The following SEMA3D variants were observed in gnomAD, a reference collection of about 807,000 sequenced individuals.
SEMA3D encodes semaphorin-3D.
SEMA3D carries 84 observed loss-of-function variants against 100.1 expected under a neutral mutation model. The observed-to-expected ratio is 0.84, with a 90% CI of 0.70 to 1.01. SEMA3D has a LOEUF of 1.01. Among genes scored for constraint, SEMA3D ranks in the 50% least tolerant of loss-of-function variants. The pLI is 0.00. For synonymous variants in SEMA3D, 312 were observed against 320.7 expected (o/e 0.97, Z 0.29); for missense variants, 875 against 934.1 (o/e 0.94, Z 0.82).
At chr7:85,189,995 T>C (rs1250438754), upstream of SEMA3D, among the ~76,000 whole-genome samples, 1 of 152,156 alleles carries the variant, frequency 6.6e-6, no homozygotes, top group South Asian at 2.1e-4. Flanking sequence ...TAGGGTAGAA[T>C]AGACATATTG....
At chr7:85,010,673 G>C (rs1287744611) in intron 17 of SEMA3D, among the ~76,000 whole-genome samples, 1 of 151,832 alleles carries the variant, frequency 6.6e-6, no homozygotes, top group Non-Finnish European at 1.5e-5. Flanking sequence ...ATATAGGAAA[G>C]TCTGCTGAAC....
intron 5 of SEMA3D, among the ~76,000 whole-genome samples, chr7:85,074,909 C>T (rs1480726899): frequency 6.6e-6 from 1 of 152,036 alleles, no homozygotes; most frequent in Admixed American, 6.6e-5. Flanking sequence ...CATGAGCCAC[C>T]ATGGCAGGCC....
chr7:85,103,345 T>G (rs569213423), intron 3 of SEMA3D, among the ~76,000 whole-genome samples: 2 of 152,184 alleles, frequency 1.3e-5, no homozygotes, highest in African/African-American at 4.8e-5. Context: ...GGCAATACAC[T>G]TCAGAGCTTT....
intron 4 of SEMA3D, among the ~76,000 whole-genome samples, chr7:85,085,117 G>A (rs1426837689): frequency 1.3e-5 from 2 of 152,122 alleles, no homozygotes; most frequent in African/African-American, 2.4e-5. Context: ...ATTTCAGCAT[G>A]TAAGATCCTG....
chr7:85,220,206 C>T, the SEMA3D span, among the ~76,000 whole-genome samples: 1,561 of 151,976 alleles, frequency 0.01, 28 homozygotes, highest in African/African-American at 0.036. Context: ...CATGTGTTGT[C>T]GCTGTGTCTC....
chr7:85,110,314 T>C (rs1187264165), intron 3 of SEMA3D, among the ~76,000 whole-genome samples: 1 of 152,014 alleles, frequency 6.6e-6, no homozygotes, highest in Non-Finnish European at 1.5e-5. Context: ...GTAAGTTGTA[T>C]TAATAATACA....
chr7:85,170,565 G>C (rs1414448961), intron 1 of SEMA3D, among the ~76,000 whole-genome samples: 3 of 151,856 alleles, frequency 2.0e-5, no homozygotes, highest in African/African-American at 7.3e-5. Context: ...TAAACCATGT[G>C]AATATCAGGC....
chr7:85,112,897 T>C (rs1007830459), intron 3 of SEMA3D, among the ~76,000 whole-genome samples: 3 of 152,182 alleles, frequency 2.0e-5, no homozygotes, highest in African/African-American at 7.2e-5. Context: ...AAACAATGCC[T>C]GGTAAATAAT....
chr7:85,027,134 A>C (rs992570730), intron 12 of SEMA3D, among the ~76,000 whole-genome samples: 1 of 152,092 alleles, frequency 6.6e-6, no homozygotes, highest in Non-Finnish European at 1.5e-5. Flanking sequence ...TAGAGTAAAA[A>C]AGATCTTTCT....
At chr7:85,227,913 G>C in the SEMA3D span, among the ~76,000 whole-genome samples, 1 of 152,064 alleles carries the variant, frequency 6.6e-6, no homozygotes, top group African/African-American at 2.4e-5. Context: ...ATGGAACAAA[G>C]ATTAACACTG....
chr7:85,249,080 C>T, the SEMA3D span, among the ~76,000 whole-genome samples: 1 of 152,136 alleles, frequency 6.6e-6, no homozygotes, highest in African/African-American at 2.4e-5. Flanking sequence ...TGTGTGGGAA[C>T]AGGCAGGGGC....
chr7:85,241,494 A>ATATAT, the SEMA3D span, among the ~76,000 whole-genome samples: 1 of 79,194 alleles, frequency 1.3e-5, no homozygotes, highest in African/African-American at 7.0e-5. Flanking sequence ...TATATATATG[A>ATATAT]ATACTACTCA....
intron 2 of SEMA3D, among the ~76,000 whole-genome samples, chr7:85,139,643 T>C (rs1789984599): frequency 6.6e-6 from 1 of 152,056 alleles, no homozygotes; most frequent in Non-Finnish European, 1.5e-5. Flanking sequence ...TAACCTAAGA[T>C]GTCATTTTAA....
intron 1 of SEMA3D, among the ~76,000 whole-genome samples, chr7:85,179,662 CTT>C (rs145786339): frequency 0.054 from 7,409 of 137,622 alleles, 178 homozygotes; most frequent in African/African-American, 0.066. Flanking sequence ...TGGACTTGAA[CTT>C]TTTTTTTTTT....
At chr7:85,036,543 T>C (rs2115951837) in intron 12 of SEMA3D, among the ~76,000 whole-genome samples, 1 of 152,270 alleles carries the variant, frequency 6.6e-6, no homozygotes, top group South Asian at 2.1e-4. Flanking sequence ...TGCAGAGCTG[T>C]ATGTGAGAAA....
chr7:85,047,538 A>T (rs570382890), intron 9 of SEMA3D, among the ~76,000 whole-genome samples: 1 of 151,864 alleles, frequency 6.6e-6, no homozygotes, highest in Non-Finnish European at 1.5e-5. Flanking sequence ...CTTTATAAAC[A>T]TTGTCATTTT....
the SEMA3D span, among the ~76,000 whole-genome samples, chr7:85,237,282 A>G: frequency 1.3e-5 from 2 of 152,188 alleles, no homozygotes; most frequent in Non-Finnish European, 2.9e-5. Flanking sequence ...ATGGAAGTAC[A>G]TCTACAAATT....
intron 4 of SEMA3D, among the ~76,000 whole-genome samples, chr7:85,094,379 G>C (rs780357355): frequency 2.0e-5 from 3 of 151,922 alleles, no homozygotes; most frequent in African/African-American, 4.8e-5. Context: ...TAGGAGAAAA[G>C]GATAAACTAA....
chr7:85,223,860 T>C, the SEMA3D span, among the ~76,000 whole-genome samples: 8 of 151,508 alleles, frequency 5.3e-5, no homozygotes, highest in Non-Finnish European at 5.9e-5. Flanking sequence ...TCACCACTAA[T>C]GAACTTATCC....
Sources: allele counts gnomAD v4.1 joint callset (sites outside exome capture counted in the v4.1 genomes callset), GRCh38; gene constraint gnomAD v4.1.1; transcripts MANE v1.5; gene names NCBI Gene and HGNC (gene_info 2026-07-23, HGNC 2026-07-21).